The following GATAD2A variants were observed in gnomAD, a reference collection of about 807,000 sequenced individuals.
GATAD2A encodes transcriptional repressor p66-alpha.
A neutral mutation model predicts 68.5 loss-of-function variants in GATAD2A; 12 were observed. That is an observed-to-expected ratio of 0.18 (90% CI 0.11 to 0.28). GATAD2A has a LOEUF of 0.28. GATAD2A is among the 10% of genes least tolerant of loss of function. The pLI, the probability that GATAD2A is intolerant of heterozygous loss-of-function variation, is 1.00. For synonymous variants in GATAD2A, 410 were observed against 375.3 expected, an observed-to-expected ratio of 1.09 and a Z score of -1.07; for missense variants, 755 against 868.5, an observed-to-expected ratio of 0.87 and a Z score of 1.64.
rs1001017604 is a variant in GATAD2A at position 19,508,925 on chromosome 19, C to G, written c.*3451C>G. The G allele has an allele frequency of 6.6e-6, 1 of 152,198 alleles. No individual in the cohort carries two copies. Among genetic ancestry groups the G allele is most frequent in the Non-Finnish European group, 1.5e-5 (1 of 68,044 alleles). The allele number at this position is 152,198 out of a possible 1,614,324, so 9.4% of individuals were successfully genotyped here. ...GAAGGATAATAAATGGATGATGTGT[C>G]AACTGGACTTTTCTTTTGTCCCTTC... On this transcript the variant is annotated 3_prime_UTR_variant, in exon 12 of 12. Coordinates refer to ENST00000683918, the MANE Select transcript of GATAD2A (RefSeq NM_001384528.1).
At chr19:19,459,651 T>G (rs1305637148) in intron 1 of GATAD2A, among the ~76,000 whole-genome samples, 1 of 152,232 alleles carries the variant, frequency 6.6e-6, no homozygotes, top group East Asian at 1.9e-4. Context: ...CATGGACATC[T>G]TTGATAAACA....
rs1241196084 is a variant in GATAD2A at position 19,502,172 on chromosome 19, C to A, written c.1578+129C>A. On this transcript the variant is annotated intron_variant, in intron 10 of 11. Coordinates refer to ENST00000683918, the MANE Select transcript of GATAD2A (RefSeq NM_001384528.1). ...TTCTGTTTCACTCTCTCCCCTCCCC[C>A]ACCCCTCTGTGTAACTTACCTGGTC... is the stretch of plus-strand genomic sequence containing the variant. 2.0e-5 allele frequency: 18 copies of A among 880,760 alleles called. No homozygotes were observed. In the East Asian group the frequency reaches 4.7e-4, roughly 23 times the overall value. 54.6% of individuals were successfully genotyped at this position (880,760 alleles called of 1,614,324 possible). A position where few individuals can be genotyped will look rare whatever the true frequency, so the allele number is the denominator to read the frequency against.
At chr19:19,438,317 C>A (rs2054603399) in intron 1 of GATAD2A, among the ~76,000 whole-genome samples, 1 of 152,234 alleles carries the variant, frequency 6.6e-6, no homozygotes, top group African/African-American at 2.4e-5. Flanking sequence ...GTGTTCATGG[C>A]TCACTGCAGC....
At chr19:19,480,614 C>T (rs1204877420) in intron 2 of GATAD2A, among the ~76,000 whole-genome samples, 1 of 152,228 alleles carries the variant, frequency 6.6e-6, no homozygotes, top group Non-Finnish European at 1.5e-5. Context: ...CAGAGGTTGA[C>T]GTTTAATCGC....
chr19:19,400,108 CAA>C (rs2146948970), intron 1 of GATAD2A, among the ~76,000 whole-genome samples: 2 of 151,868 alleles, frequency 1.3e-5, no homozygotes, highest in South Asian at 4.2e-4. Context: ...TATGTAGACA[CAA>C]AAGAGATATT....
chr19:19,409,680 A>ATT (rs533615676), intron 1 of GATAD2A, among the ~76,000 whole-genome samples: 10 of 152,252 alleles, frequency 6.6e-5, no homozygotes, highest in Admixed American at 5.9e-4. Context: ...TGAGATAAAA[A>ATT]AAGACGGATC....
intron 1 of GATAD2A, among the ~76,000 whole-genome samples, chr19:19,412,484 T>C (rs887267017): frequency 6.6e-6 from 1 of 151,718 alleles, no homozygotes. Flanking sequence ...AAAAAAAAAT[T>C]AGCCAGGTGT....
At chr19:19,433,758 T>C (rs1392379368) in intron 1 of GATAD2A, among the ~76,000 whole-genome samples, 1 of 152,242 alleles carries the variant, frequency 6.6e-6, no homozygotes, top group African/African-American at 2.4e-5. Context: ...CATTTATTAC[T>C]GCAAGGAGTA....
intron 1 of GATAD2A, among the ~76,000 whole-genome samples, chr19:19,432,819 G>T (rs2053902659): frequency 6.6e-6 from 1 of 152,232 alleles, no homozygotes; most frequent in East Asian, 1.9e-4. Flanking sequence ...CAGGCAGTGT[G>T]TGGGCCTCTG....
At chr19:19,419,653 A>AT (rs1272306177) in intron 1 of GATAD2A, among the ~76,000 whole-genome samples, 1 of 151,402 alleles carries the variant, frequency 6.6e-6, no homozygotes, top group Non-Finnish European at 1.5e-5. Flanking sequence ...AATAGCTGGG[A>AT]TTACAGGCAC....
At chr19:19,453,044 C>T (rs1455767705) in intron 1 of GATAD2A, among the ~76,000 whole-genome samples, 1 of 152,210 alleles carries the variant, frequency 6.6e-6, no homozygotes, top group Non-Finnish European at 1.5e-5. Flanking sequence ...ACTGGGCATC[C>T]CTGTAGCCCC....
At chr19:19,466,288 A>G (rs1033249355) in intron 2 of GATAD2A, among the ~76,000 whole-genome samples, 1 of 152,216 alleles carries the variant, frequency 6.6e-6, no homozygotes, top group African/African-American at 2.4e-5. Flanking sequence ...CTCTGTAAAG[A>G]CAAATTCAGA....
chr19:19,437,564 C>T (rs1240589333), intron 1 of GATAD2A, among the ~76,000 whole-genome samples: 1 of 152,148 alleles, frequency 6.6e-6, no homozygotes, highest in Non-Finnish European at 1.5e-5. Context: ...CAAAAGGAAA[C>T]AGCATACTCA....
At chr19:19,486,785 A>T (rs1026278700) in intron 2 of GATAD2A, among the ~76,000 whole-genome samples, 2 of 152,172 alleles carry the variant, frequency 1.3e-5, no homozygotes, top group Non-Finnish European at 2.9e-5. Context: ...AAGGTGCCCG[A>T]GCCTCCTCAG....
chr19:19,429,013 G>A, intron 1 of GATAD2A, among the ~76,000 whole-genome samples: 2 of 139,968 alleles, frequency 1.4e-5, no homozygotes, highest in South Asian at 2.3e-4. Context: ...GACAGCATTT[G>A]TATGTTTTTT....
At chr19:19,387,356 G>A (rs547854190) in intron 1 of GATAD2A, among the ~76,000 whole-genome samples, 5 of 142,952 alleles carry the variant, frequency 3.5e-5, no homozygotes, top group East Asian at 4.1e-4. Flanking sequence ...GTCTCATTCC[G>A]TCTCCCAGGC....
chr19:19,389,174 T>C (rs970765705), intron 1 of GATAD2A, among the ~76,000 whole-genome samples: 2 of 152,120 alleles, frequency 1.3e-5, no homozygotes, highest in Non-Finnish European at 2.9e-5. Flanking sequence ...AGATGAATGC[T>C]GGCATTGAGA....
intron 11 of GATAD2A, among the ~76,000 whole-genome samples, chr19:19,504,854 G>A (rs1340026231): frequency 6.6e-6 from 1 of 151,932 alleles, no homozygotes; most frequent in Admixed American, 6.6e-5. Context: ...TGTTGCCCAG[G>A]CTGGTCTCTA....
chr19:19,475,337 C>A (rs1160291062), intron 2 of GATAD2A, among the ~76,000 whole-genome samples: 1 of 152,238 alleles, frequency 6.6e-6, no homozygotes, highest in Admixed American at 6.5e-5. Context: ...GGGATTGAAC[C>A]CCTAAATCCC....
Sources: gnomAD v4.1 joint callset for allele counts (sites outside exome capture counted in the v4.1 genomes callset) on GRCh38, gnomAD v4.1.1 for gene constraint, MANE v1.5 for transcripts, NCBI Gene and HGNC (gene_info 2026-07-23, HGNC 2026-07-21) for gene names.